The following FKBP5 variants were observed in gnomAD, a reference collection of about 807,000 sequenced individuals.
FKBP5 encodes peptidyl-prolyl cis-trans isomerase FKBP5.
FKBP5 carries 23 observed loss-of-function variants against 50.5 expected under a neutral mutation model. That is an observed-to-expected ratio of 0.46 (90% CI 0.33 to 0.65). The LOEUF is 0.65. Ranked by LOEUF, FKBP5 falls within the 30% of genes least tolerant of loss-of-function variation. The probability of loss-of-function intolerance (pLI) is 0.02; values close to 1 mark genes in which losing one functional copy is unlikely to be tolerated. For missense variants in FKBP5, 411 were observed against 553.1 expected (o/e 0.74, Z 2.58); for synonymous variants, 176 against 190.6 (o/e 0.92, Z 0.63).
At chr6:35,634,496 A>G (rs1481315577) in intron 3 of FKBP5, among the ~76,000 whole-genome samples, 1 of 152,222 alleles carries the variant, frequency 6.6e-6, no homozygotes, top group Non-Finnish European at 1.5e-5. Flanking sequence ...TGGAGCTTGG[A>G]AAGAGCACAG....
chr6:35,592,373 T>G (rs1325657740), intron 6 of FKBP5, among the ~76,000 whole-genome samples: 1 of 152,126 alleles, frequency 6.6e-6, no homozygotes, highest in Non-Finnish European at 1.5e-5. Flanking sequence ...ACCTCCACTG[T>G]TACACAGAAA....
intron 5 of FKBP5, among the ~76,000 whole-genome samples, chr6:35,598,109 C>T (rs1763034655): frequency 6.6e-6 from 1 of 152,126 alleles, no homozygotes; most frequent in Non-Finnish European, 1.5e-5. Flanking sequence ...TTCCCCGTTC[C>T]ACCCCAATTT....
chr6:35,724,757 GAA>G (rs766503491), intron 1 of FKBP5, among the ~76,000 whole-genome samples: 5 of 119,494 alleles, frequency 4.2e-5, no homozygotes, highest in Non-Finnish European at 3.6e-5. Context: ...CCTTGTCTCA[GAA>G]AAAAAAAAAA....
chr6:35,589,677 C>A (rs1006181634), intron 7 of FKBP5, among the ~76,000 whole-genome samples: 5 of 152,122 alleles, frequency 3.3e-5, no homozygotes, highest in Admixed American at 3.3e-4. Flanking sequence ...AGCCATAGGT[C>A]TAAATAACCA....
At chr6:35,629,484 C>A (rs570059229) in intron 3 of FKBP5, among the ~76,000 whole-genome samples, 2 of 152,248 alleles carry the variant, frequency 1.3e-5, no homozygotes, top group East Asian at 3.9e-4. Flanking sequence ...AGGATAATCC[C>A]TCCCCACCTT....
rs1218497618 is a variant in FKBP5, at chr6:35,583,255, T to TA, written c.841-3035_841-3034insT. 2.1e-5 allele frequency: 21 copies of TA among 985,304 alleles called. No individual in the cohort carries two copies. The East Asian group carries it at 2.0e-3, about 96-fold the overall frequency. 61.0% of individuals were successfully genotyped at this position (985,304 alleles called of 1,614,324 possible). A position where few individuals can be genotyped will look rare whatever the true frequency, so the allele number is the denominator to read the frequency against. The stretch of plus-strand genomic sequence containing the variant: ...TCCTCCTCCCTCTCTAATGCATTGA[T>TA]TAACTTAACTTTTCTGATTATCTCC... On this transcript the variant is annotated intron_variant, in intron 8 of 10. Transcript: ENST00000357266.
chr6:35,598,368 G>A (rs537814215), intron 5 of FKBP5, among the ~76,000 whole-genome samples: 55 of 151,970 alleles, frequency 3.6e-4, no homozygotes, highest in African/African-American at 1.3e-3. Flanking sequence ...GATTACAGGT[G>A]TGTGCCACCA....
At chr6:35,666,286 T>C (rs576176794) in intron 1 of FKBP5, among the ~76,000 whole-genome samples, 1 of 151,038 alleles carries the variant, frequency 6.6e-6, no homozygotes, top group Admixed American at 6.6e-5. Context: ...CTACTGAAAG[T>C]TTATGTGCAA....
chr6:35,685,109 G>T (rs77444496), intron 1 of FKBP5, among the ~76,000 whole-genome samples: 44 of 152,074 alleles, frequency 2.9e-4, no homozygotes, highest in South Asian at 1.7e-3. Context: ...TAAAATGTAG[G>T]TTCTCAAACT....
At chr6:35,588,028 T>TA (rs1762665701) in intron 7 of FKBP5, among the ~76,000 whole-genome samples, 1 of 149,624 alleles carries the variant, frequency 6.7e-6, no homozygotes, top group Non-Finnish European at 1.5e-5. Flanking sequence ...TTATTATTAT[T>TA]ATTATTTTTT....
intron 1 of FKBP5, among the ~76,000 whole-genome samples, chr6:35,672,798 C>T (rs1765424825): frequency 1.3e-5 from 2 of 151,612 alleles, no homozygotes; most frequent in South Asian, 4.2e-4. Context: ...GGCGTAGTGG[C>T]AGGCGCCTGT....
rs1489293767 is a variant in FKBP5, at chr6:35,637,103, T to C, written c.161A>G (p.Tyr54Cys). The change falls in exon 3 of 11, where the codon TAT (tyrosine) becomes TGT (cysteine). Residue 54 changes from tyrosine to cysteine, a missense_variant. Coordinates refer to ENST00000357266, the MANE Select transcript of FKBP5 (RefSeq NM_004117.4). ...TGACAATTTTCCTTTGTAATGGACATAAACTTTGTCTCCAATCATCGGCGT... is the reference window on the plus strand; with the variant it reads ...TGACAATTTTCCTTTGTAATGGACACAAACTTTGTCTCCAATCATCGGCGT... ...EETPMIGDKV[Y>C]VHYKGKLSNG... The C allele has an allele frequency of 6.2e-7, 1 of 1,611,688 alleles. No individual in the cohort carries two copies. Among genetic ancestry groups the C allele is most frequent in the Non-Finnish European group, 8.5e-7 (1 of 1,179,414 alleles).
At chr6:35,629,970 C>T (rs1346425978) in intron 3 of FKBP5, among the ~76,000 whole-genome samples, 3 of 152,026 alleles carry the variant, frequency 2.0e-5, no homozygotes, top group African/African-American at 7.2e-5. Context: ...AAAAAGTAAA[C>T]AGATACTAAG....
At chr6:35,724,799 C>G (rs1352952952) in intron 1 of FKBP5, among the ~76,000 whole-genome samples, 3 of 151,908 alleles carry the variant, frequency 2.0e-5, no homozygotes, top group African/African-American at 4.8e-5. Flanking sequence ...TCAGACAGAC[C>G]TGAGTGTGAA....
At chr6:35,677,159 C>T (rs1353447460) in intron 1 of FKBP5, among the ~76,000 whole-genome samples, 3 of 152,096 alleles carry the variant, frequency 2.0e-5, no homozygotes, top group South Asian at 2.1e-4. Context: ...CTGCAAGCTC[C>T]GCCTCCCGGG....
At chr6:35,662,177 G>A (rs1765085576) in intron 1 of FKBP5, among the ~76,000 whole-genome samples, 1 of 151,826 alleles carries the variant, frequency 6.6e-6, no homozygotes, top group Non-Finnish European at 1.5e-5. Context: ...AGATTTACAT[G>A]CAAAAGCCAC....
At position 35,656,168 on chromosome 6, in the gene FKBP5, T is replaced by C. The variant is rs113603006; in HGVS notation, c.-19-13325A>G. 6.0e-3 allele frequency among the ~76,000 whole-genome samples: 916 copies of C among 152,334 alleles called. 11 individuals are homozygous for C. Among genetic ancestry groups the C allele is most frequent in the African/African-American group, 0.02 (841 of 41,578 alleles). On this transcript the variant is annotated intron_variant, in intron 1 of 10. Coordinates refer to ENST00000357266, the MANE Select transcript of FKBP5 (RefSeq NM_004117.4). ...GCCTAAGAGAAAAACTGTACAAGAA[T>C]AGCATTTGAGTCTGTGTAGAAAGAA...
At chr6:35,674,623 A>G (rs1303264255) in intron 1 of FKBP5, among the ~76,000 whole-genome samples, 1 of 152,202 alleles carries the variant, frequency 6.6e-6, no homozygotes, top group Non-Finnish European at 1.5e-5. Context: ...TCAAGCTCTA[A>G]CAATGTTTGC....
intron 5 of FKBP5, among the ~76,000 whole-genome samples, chr6:35,605,399 T>TTC (rs1763279249): frequency 7.3e-6 from 1 of 136,210 alleles, no homozygotes; most frequent in Non-Finnish European, 1.6e-5. Flanking sequence ...TTTTTTTTTT[T>TTC]TTTTTTTTTT....
Sources: gnomAD v4.1 joint callset for allele counts (sites outside exome capture counted in the v4.1 genomes callset) on GRCh38, gnomAD v4.1.1 for gene constraint, MANE v1.5 for transcripts, NCBI Gene and HGNC (gene_info 2026-07-23, HGNC 2026-07-21) for gene names.